Variants in COL6A5 observed in about 807,000 individuals in gnomAD.
The protein encoded by COL6A5 is collagen alpha-5(VI) chain.
A neutral mutation model predicts 65.6 loss-of-function variants in COL6A5; 48 were observed. The ratio of observed to expected loss-of-function variants is 0.73; its 90% CI spans 0.58 to 0.93. COL6A5 has a LOEUF of 0.93. COL6A5 is among the 40% of genes least tolerant of loss of function. The pLI is 0.00. For missense variants in COL6A5, 914 were observed against 928.3 expected (o/e 0.98, Z 0.20); for synonymous variants, 291 against 322.8 (o/e 0.90, Z 1.05).
exon 18 of COL6A5, chr3:130,409,364 A>C: frequency 6.5e-7 from 1 of 1,548,622 alleles, no homozygotes; most frequent in Non-Finnish European, 8.7e-7. Context: ...GGCAGTATGG[A>C]GAGAAGGGCT....
chr3:130,366,957 T>A (rs780570935), intron 1 of COL6A5, among the ~76,000 whole-genome samples: 11 of 152,250 alleles, frequency 7.2e-5, no homozygotes, highest in Non-Finnish European at 1.0e-4. Context: ...TATTTCATCT[T>A]TTCATGCCAC....
At chr3:130,483,736 G>A (rs1489850828) in intron 7 of COL6A5, among the ~76,000 whole-genome samples, 2 of 152,084 alleles carry the variant, frequency 1.3e-5, no homozygotes, top group African/African-American at 4.8e-5. Flanking sequence ...ATTGTCTATT[G>A]CACACCCCTT....
chr3:130,360,175 C>A (rs1196607209), intron 1 of COL6A5, among the ~76,000 whole-genome samples: 1 of 152,072 alleles, frequency 6.6e-6, no homozygotes, highest in African/African-American at 2.4e-5. Flanking sequence ...TCTTCCTAGA[C>A]ATCAACTGCA....
chr3:130,438,048 G>C (rs1383346552), intron 1 of COL6A5, among the ~76,000 whole-genome samples: 5 of 152,000 alleles, frequency 3.3e-5, no homozygotes, highest in Non-Finnish European at 7.3e-5. Context: ...ACCCCGGTTG[G>C]AGTGCAGTGG....
At chr3:130,381,607 A>G (rs1935997460) in intron 4 of COL6A5, among the ~76,000 whole-genome samples, 1 of 152,080 alleles carries the variant, frequency 6.6e-6, no homozygotes, top group Non-Finnish European at 1.5e-5. Flanking sequence ...TCAAAGGTAC[A>G]TGCCAAGAGA....
chr3:130,442,749 A>G (rs1367678268), intron 3 of COL6A5, among the ~76,000 whole-genome samples: 1 of 152,210 alleles, frequency 6.6e-6, no homozygotes, highest in Non-Finnish European at 1.5e-5. Flanking sequence ...TAATCAGAAG[A>G]TATATTTTCA....
intron 1 of COL6A5, among the ~76,000 whole-genome samples, chr3:130,352,518 A>T (rs1018133257): frequency 5.3e-5 from 8 of 152,132 alleles, no homozygotes; most frequent in African/African-American, 1.7e-4. Flanking sequence ...AAATAATTAT[A>T]TTTCAACCCC....
intron 12 of COL6A5, among the ~76,000 whole-genome samples, chr3:130,402,532 C>T (rs1936851322): frequency 6.6e-6 from 1 of 152,080 alleles, no homozygotes; most frequent in Admixed American, 6.5e-5. Context: ...TAGAAGAATG[C>T]ATGTGGTAAA....
Position 130,395,559 on chromosome 3 carries a change from T to G in COL6A5, c.3568+94T>G, listed in dbSNP as rs1332889127. On this transcript the variant is annotated intron_variant and NMD_transcript_variant, in intron 8 of 41. Transcript: ENST00000312481. ...TGGGCTAGCTCTAGCAGAGCATATATTTAGAACATATATTTAGTGAGAATA... is the reference window on the plus strand; with the variant it reads ...TGGGCTAGCTCTAGCAGAGCATATAGTTAGAACATATATTTAGTGAGAATA... 7.4e-5 allele frequency: 67 copies of G among 905,872 alleles called. 1 individual carries two copies. The Admixed American group carries it at 1.7e-3, about 23-fold the overall frequency. 56.1% of individuals were successfully genotyped at this position (905,872 alleles called of 1,614,324 possible). A position where few individuals can be genotyped will look rare whatever the true frequency, so the allele number is the denominator to read the frequency against.
At chr3:130,426,709 G>A (rs893890274), upstream of COL6A5, among the ~76,000 whole-genome samples, 5 of 152,076 alleles carry the variant, frequency 3.3e-5, no homozygotes, top group East Asian at 3.8e-4. Context: ...AGTTATGAGC[G>A]AAAGGACTGG....
exon 3 of COL6A5, chr3:130,376,626 G>T (rs763518867): frequency 6.2e-7 from 1 of 1,611,388 alleles, no homozygotes; most frequent in South Asian, 1.1e-5. Flanking sequence ...AGTGGAAGAG[G>T]CTTCGAAAGC....
At chr3:130,345,921 T>C (rs1324959646) in exon 1 of COL6A5, 2 of 398,626 alleles carry the variant, frequency 5.0e-6, no homozygotes, top group Admixed American at 4.4e-5. Context: ...GTGCAGCCTC[T>C]TCTGGAGAGT....
chr3:130,395,378 A>C, exon 8 of COL6A5: 4 of 1,548,570 alleles, frequency 2.6e-6, no homozygotes, highest in Non-Finnish European at 3.5e-6. Context: ...TGAAAAAATA[A>C]TCACTTTTCA....
intron 24 of COL6A5, among the ~76,000 whole-genome samples, chr3:130,417,647 TGTTGGG>T (rs71620083): frequency 0.073 from 11,072 of 152,220 alleles, 503 homozygotes; most frequent in Middle Eastern, 0.11. Context: ...GAGATGGCTC[TGTTGGG>T]GATCGTCAGA....
At position 130,403,595 on chromosome 3, in the gene COL6A5, CTCTT is replaced by C. The variant is rs1207359205; in HGVS notation, c.4228-9_4228-6del. ...GGGGGTGACTAAAATGTATTGTTCT[CTCTT>C]TCTTCCCAGGGTTCTCAAGGTCTGA... is the stretch of plus-strand genomic sequence containing the variant. On this transcript the variant is annotated splice_polypyrimidine_tract_variant and intron_variant and NMD_transcript_variant, in intron 12 of 41. Coordinates refer to the COL6A5 transcript ENST00000312481. 4 of 1,549,880 alleles carry C rather than the reference CTCTT, an allele frequency of 2.6e-6. No homozygotes were observed. Among genetic ancestry groups the C allele is most frequent in the Non-Finnish European group, 3.5e-6 (4 of 1,145,686 alleles).
At chr3:130,469,004 G>A in exon 6 of COL6A5, 1 of 1,612,922 alleles carries the variant, frequency 6.2e-7, no homozygotes, top group Non-Finnish European at 8.5e-7. Context: ...CACCTTAGGA[G>A]ACAGGGTTGC....
exon 3 of COL6A5, chr3:130,376,702 A>G: frequency 6.2e-7 from 1 of 1,613,726 alleles, no homozygotes; most frequent in Non-Finnish European, 8.5e-7. Context: ...GAAAATCTGA[A>G]GGCCATGGCC....
At chr3:130,436,815 A>G (rs1305302269) in intron 1 of COL6A5, among the ~76,000 whole-genome samples, 2 of 152,120 alleles carry the variant, frequency 1.3e-5, no homozygotes, top group Non-Finnish European at 2.9e-5. Flanking sequence ...GGTATTGCCC[A>G]AAGCCCATTC....
chr3:130,397,973 T>C (rs1217489870), intron 9 of COL6A5, 50 bp downstream of exon 9: 2 of 1,544,528 alleles, frequency 1.3e-6, no homozygotes, highest in East Asian at 4.9e-5. Context: ...CCATTTGTTC[T>C]TCATTCCCCA....
Sources: gnomAD v4.1 joint callset for allele counts (sites outside exome capture counted in the v4.1 genomes callset) on GRCh38, gnomAD v4.1.1 for gene constraint, MANE v1.5 for transcripts, NCBI Gene and HGNC (gene_info 2026-07-23, HGNC 2026-07-21) for gene names.